RANBP17: variants seen among roughly 807,000 people sequenced by gnomAD.
RANBP17 encodes the protein RAN binding protein 17, also known as ran-binding protein 17.
Under a neutral mutation model 141.2 loss-of-function variants are expected in RANBP17, and 158 were observed. The ratio of observed to expected loss-of-function variants is 1.12; its 90% confidence interval spans 0.98 to 1.28. The LOEUF is 1.28. Ranked by LOEUF, RANBP17 falls within the 50% of genes most tolerant of loss-of-function variation. The pLI is 0.00. For missense variants in RANBP17, 1,438 were observed against 1,290.7 expected (o/e 1.11, Z -1.75); for synonymous variants, 430 against 450.0 (o/e 0.96, Z 0.56).
intron 14 of RANBP17, among the ~76,000 whole-genome samples, chr5:171,101,338 T>G (rs1035849624): frequency 6.6e-6 from 1 of 152,194 alleles, no homozygotes; most frequent in Admixed American, 6.5e-5. Context: ...ATTGATGCCT[T>G]TATTATTATG....
chr5:170,950,098 T>C (rs763551779), intron 12 of RANBP17, among the ~76,000 whole-genome samples: 5 of 152,066 alleles, frequency 3.3e-5, no homozygotes, highest in Non-Finnish European at 7.4e-5. Flanking sequence ...AAATGAAATC[T>C]AGATGGATTA....
chr5:170,903,686 C>T, intron 5 of RANBP17: 2 of 301,702 alleles, frequency 6.6e-6, no homozygotes, highest in Non-Finnish European at 6.9e-6. Flanking sequence ...TGTGTGTTGC[C>T]CATTGACAGT....
chr5:171,022,759 C>T (rs1780960027), intron 14 of RANBP17, among the ~76,000 whole-genome samples: 1 of 152,186 alleles, frequency 6.6e-6, no homozygotes, highest in East Asian at 1.9e-4. Context: ...ACGCCTCCCA[C>T]AAGGAGCTCA....
At position 170,924,615 on chromosome 5, in the gene RANBP17, T is replaced by C. The variant is rs1397582309; in HGVS notation, c.1468+65T>C. The C allele has an allele frequency of 1.5e-5, 16 of 1,069,214 alleles. No homozygotes were observed. In the East Asian group the frequency reaches 3.4e-4, roughly 23 times the overall value. The allele number at this position is 1,069,214 out of a possible 1,614,324, so 66.2% of individuals were successfully genotyped here. On this transcript the variant is annotated intron_variant, in intron 12 of 27. Transcript: ENST00000523189. ...TATTAAGTAACATCATTAATCACTT[T>C]AATAGTTTTACTGCAAGTTATTTTT...
chr5:171,138,539 CAAA>C (rs532709660), intron 14 of RANBP17, among the ~76,000 whole-genome samples: 7 of 97,976 alleles, frequency 7.1e-5, no homozygotes, highest in Admixed American at 1.1e-4. Flanking sequence ...TTCCCTACTG[CAAA>C]AAAAAAAAAA....
chr5:171,181,766 C>T (rs1174570258), intron 16 of RANBP17, among the ~76,000 whole-genome samples: 2 of 152,086 alleles, frequency 1.3e-5, no homozygotes, highest in Non-Finnish European at 1.5e-5. Context: ...GATGTGCTAC[C>T]TATCTCATGG....
At chr5:171,131,329 C>A (rs1411266406) in intron 14 of RANBP17, among the ~76,000 whole-genome samples, 1 of 152,138 alleles carries the variant, frequency 6.6e-6, no homozygotes, top group African/African-American at 2.4e-5. Context: ...CTTTCCAGAT[C>A]CAGAAATAGC....
At chr5:171,256,880 A>G (rs548249213) in intron 24 of RANBP17, among the ~76,000 whole-genome samples, 1 of 152,286 alleles carries the variant, frequency 6.6e-6, no homozygotes, top group South Asian at 2.1e-4. Flanking sequence ...TCCTGAACAG[A>G]CCAATAACAA....
intron 25 of RANBP17, among the ~76,000 whole-genome samples, chr5:171,279,736 G>A (rs1767737081): frequency 6.6e-6 from 1 of 151,808 alleles, no homozygotes; most frequent in Non-Finnish European, 1.5e-5. Context: ...GAGGAGTCTA[G>A]GTACATCAAC....
intron 14 of RANBP17, among the ~76,000 whole-genome samples, chr5:171,053,504 A>T (rs931696530): frequency 2.0e-5 from 3 of 152,014 alleles, no homozygotes; most frequent in African/African-American, 7.2e-5. Flanking sequence ...AATTTTTAAA[A>T]TTTTCCTTTT....
intron 24 of RANBP17, among the ~76,000 whole-genome samples, chr5:171,256,760 A>G (rs1342232858): frequency 2.0e-5 from 3 of 152,184 alleles, no homozygotes; most frequent in Non-Finnish European, 4.4e-5. Flanking sequence ...AAAGATCATC[A>G]GAGACTATTA....
chr5:171,009,703 G>T (rs1215786849), intron 14 of RANBP17, among the ~76,000 whole-genome samples: 1 of 152,032 alleles, frequency 6.6e-6, no homozygotes, highest in Non-Finnish European at 1.5e-5. Context: ...GTAAATGTTT[G>T]TTGCTGTTAA....
chr5:171,087,390 G>T (rs1785752312), intron 14 of RANBP17, among the ~76,000 whole-genome samples: 1 of 151,962 alleles, frequency 6.6e-6, no homozygotes, highest in Admixed American at 6.6e-5. Flanking sequence ...CCAGCTATGT[G>T]GTCAATTTTG....
chr5:171,229,592 A>G, intron 22 of RANBP17, among the ~76,000 whole-genome samples: 1 of 150,346 alleles, frequency 6.7e-6, no homozygotes, highest in East Asian at 2.0e-4. Flanking sequence ...ATGGGGTTTC[A>G]CCATGTTGGC....
intron 13 of RANBP17, among the ~76,000 whole-genome samples, chr5:170,966,907 A>G (rs1350089701): frequency 6.6e-6 from 1 of 152,168 alleles, no homozygotes; most frequent in Non-Finnish European, 1.5e-5. Flanking sequence ...ATAACAGACA[A>G]ACAGAGATCC....
chr5:171,188,381 G>C (rs1581822787), intron 18 of RANBP17, among the ~76,000 whole-genome samples: 3 of 152,306 alleles, frequency 2.0e-5, no homozygotes, highest in African/African-American at 7.2e-5. Context: ...GCCCCAGACT[G>C]TGTCATTGCC....
At chr5:170,967,882 C>T (rs779032956) in intron 13 of RANBP17, among the ~76,000 whole-genome samples, 2 of 151,592 alleles carry the variant, frequency 1.3e-5, no homozygotes, top group South Asian at 2.1e-4. Context: ...TAATATCCTT[C>T]TTCTTTTACT....
chr5:171,190,474 T>C (rs1011299436), intron 18 of RANBP17, among the ~76,000 whole-genome samples: 1 of 152,098 alleles, frequency 6.6e-6, no homozygotes, highest in East Asian at 1.9e-4. Flanking sequence ...TGTTGGCAGG[T>C]TTTTTTGGTG....
In RANBP17 at chr5:171,241,126, C is replaced by T. The variant is rs1163295391; in HGVS notation, c.2621C>T (p.Ser874Phe). The change falls in exon 23 of 28, where the codon TCC becomes TTC. Residue 874 changes from serine (S) to phenylalanine (F), a missense_variant. Physicochemically the swap from Ser to Phe is radical, Grantham distance 155 (BLOSUM62 -2). Coordinates refer to ENST00000523189, the MANE Select transcript of RANBP17 (RefSeq NM_022897.5). ...QAFVKMLLSV[S>F]HSDLLQYRKL... ...TTTGTCAAAATGCTGCTGTCAGTGTCCCACAGTGACTTGCTAGTAAGCAAT... is the reference window on the plus strand; with the variant it reads ...TTTGTCAAAATGCTGCTGTCAGTGTTCCACAGTGACTTGCTAGTAAGCAAT... 1.2e-6 allele frequency: 2 copies of T among 1,611,798 alleles called. No homozygotes were observed. The highest frequency in any genetic ancestry group is 1.1e-5 in the South Asian group (1 of 90,956).
Sources: allele counts gnomAD v4.1 joint callset (sites outside exome capture counted in the v4.1 genomes callset), GRCh38; gene constraint gnomAD v4.1.1; transcripts MANE v1.5; gene names NCBI Gene and HGNC (gene_info 2026-07-23, HGNC 2026-07-21).